Variants in SDHC observed in about 807,000 individuals in gnomAD.
SDHC encodes the protein succinate dehydrogenase complex subunit C, also known as succinate dehydrogenase cytochrome b560 subunit, mitochondrial.
A neutral mutation model predicts 22.6 loss-of-function variants in SDHC; 11 were observed. The ratio of observed to expected loss-of-function variants is 0.49; its 90% CI spans 0.31 to 0.81. The LOEUF (loss-of-function observed/expected upper bound fraction) is 0.81. Ranked by LOEUF, SDHC falls within the 30% of genes least tolerant of loss-of-function variation. The pLI is 0.05. For synonymous variants in SDHC, 80 were observed against 77.8 expected, an observed-to-expected ratio of 1.03 and a Z score of -0.15; for missense variants, 160 against 212.0, an observed-to-expected ratio of 0.75 and a Z score of 1.52.
rs543623991 is a variant in SDHC at position 161,343,509 on chromosome 1, G to A, written c.241+2854G>A. Among the ~76,000 whole-genome samples, 16 of 152,274 alleles carry A rather than the reference G, an allele frequency of 1.1e-4. No homozygotes were observed. The South Asian group carries it at 2.9e-3, about 28-fold the overall frequency. On this transcript the variant is annotated intron_variant, in intron 4 of 5. Coordinates refer to ENST00000367975, the MANE Select transcript of SDHC (RefSeq NM_003001.5). The stretch of plus-strand genomic sequence containing the variant: ...TTGGTAAAGGGACGATGGAATCAAG[G>A]TATAAGGATGATTTGTGTTGTTAGG...
chr1:161,361,792 G>A (rs1051912994), intron 5 of SDHC, among the ~76,000 whole-genome samples: 5 of 139,870 alleles, frequency 3.6e-5, no homozygotes, highest in African/African-American at 1.1e-4. Flanking sequence ...GCAGTGAGCT[G>A]AGATCATGCC....
At chr1:161,320,780 T>G (rs1670807697) in intron 1 of SDHC, among the ~76,000 whole-genome samples, 1 of 151,896 alleles carries the variant, frequency 6.6e-6, no homozygotes, top group East Asian at 1.9e-4. Flanking sequence ...ACGCTGAAGC[T>G]CAATGACTCA....
intron 4 of SDHC, 99 bp from the exon 5 acceptor site, chr1:161,356,578 G>A (rs996772349): frequency 8.3e-7 from 1 of 1,197,908 alleles, no homozygotes. Context: ...ATTTCAAAAT[G>A]GTTTAGAATT....
At chr1:161,347,080 A>G (rs1351290990) in intron 4 of SDHC, among the ~76,000 whole-genome samples, 1 of 152,312 alleles carries the variant, frequency 6.6e-6, no homozygotes, top group East Asian at 1.9e-4. Context: ...TGCAGAACTC[A>G]GGACACAGAG....
intron 5 of SDHC, 152 bp from the exon 6 acceptor site, chr1:161,362,177 G>T: frequency 1.1e-6 from 1 of 903,716 alleles, no homozygotes. Context: ...TTTGAGAAGG[G>T]TAAAGGTGGG....
chr1:161,338,118 A>G (rs1205446303), intron 3 of SDHC, among the ~76,000 whole-genome samples: 4 of 152,316 alleles, frequency 2.6e-5, no homozygotes, highest in South Asian at 2.1e-4. Context: ...AAATTATGCT[A>G]TCGTTCTCTG....
chr1:161,348,208 G>A (rs917569330), intron 4 of SDHC, among the ~76,000 whole-genome samples: 10 of 151,904 alleles, frequency 6.6e-5, no homozygotes, highest in African/African-American at 2.4e-4. Flanking sequence ...CCAGGCTGGA[G>A]TGCAATGGTG....
intron 2 of SDHC, chr1:161,326,666 AC>A (rs1416097288): frequency 1.4e-5 from 2 of 141,202 alleles, no homozygotes; most frequent in Non-Finnish European, 3.0e-5. Flanking sequence ...CGTTCTGTCG[AC>A]CAGGCTGGAG....
At chr1:161,352,899 C>A (rs545218945) in intron 4 of SDHC, among the ~76,000 whole-genome samples, 1 of 152,252 alleles carries the variant, frequency 6.6e-6, no homozygotes, top group South Asian at 2.1e-4. Flanking sequence ...ATTGCTTGAA[C>A]CTGGGAGGCG....
At chr1:161,327,413 T>C (rs1179446986) in intron 2 of SDHC, among the ~76,000 whole-genome samples, 1 of 152,188 alleles carries the variant, frequency 6.6e-6, no homozygotes, top group African/African-American at 2.4e-5. Context: ...TATGTTGTTA[T>C]GGGTATTGGG....
rs548788432 is a variant in SDHC at position 161,329,914 on chromosome 1, A to G, written c.179+1417A>G. ...GCTTTGTATCACTCTGACTTCTTCTACCTCCCTTTTCTCCTTTCAAGGGAC... is the reference window on the plus strand; with the variant it reads ...GCTTTGTATCACTCTGACTTCTTCTGCCTCCCTTTTCTCCTTTCAAGGGAC... On this transcript the variant is annotated intron_variant, in intron 3 of 5. Transcript: ENST00000367975. Among the ~76,000 whole-genome samples the G allele has an allele frequency of 8.1e-4, 123 of 152,102 alleles. 1 individual carries two copies. Among genetic ancestry groups the G allele is most frequent in the Non-Finnish European group, 1.6e-3 (109 of 67,990 alleles).
At chr1:161,320,852 G>C (rs1185502805) in intron 1 of SDHC, among the ~76,000 whole-genome samples, 3 of 82,818 alleles carry the variant, frequency 3.6e-5, no homozygotes, top group African/African-American at 2.0e-4. Flanking sequence ...TTTTGAGATG[G>C]AGTCCCGCTC....
At chr1:161,315,571 A>T (rs749700857) in intron 1 of SDHC, among the ~76,000 whole-genome samples, 1 of 152,196 alleles carries the variant, frequency 6.6e-6, no homozygotes, top group African/African-American at 2.4e-5. Context: ...TAAAATTAAC[A>T]TTTAGTTTGA....
At chr1:161,339,556 T>TC (rs1491143851) in intron 3 of SDHC, 10 of 1,261,780 alleles carry the variant, frequency 7.9e-6, no homozygotes, top group Non-Finnish European at 4.1e-6. Context: ...TTTTTTTTTT[T>TC]CTCAGCCCTA....
intron 3 of SDHC, among the ~76,000 whole-genome samples, chr1:161,339,750 G>C (rs1292050935): frequency 1.5e-5 from 2 of 129,952 alleles, no homozygotes; most frequent in Non-Finnish European, 3.1e-5. Context: ...GTGCGATCTT[G>C]GCTCACCGCA....
At chr1:161,325,499 G>T (rs1191343848) in intron 2 of SDHC, among the ~76,000 whole-genome samples, 1 of 152,100 alleles carries the variant, frequency 6.6e-6, no homozygotes, top group East Asian at 1.9e-4. Flanking sequence ...GGGCAACATG[G>T]TGAAACCCCT....
At position 161,359,922 on chromosome 1, in the gene SDHC, C is replaced by T. The variant is rs115139956; in HGVS notation, c.406-2407C>T. Among the ~76,000 whole-genome samples, 342 of 152,246 alleles carry T rather than the reference C, an allele frequency of 2.2e-3. 1 individual carries two copies. The highest frequency in any genetic ancestry group is 8.0e-3 in the African/African-American group (331 of 41,548). ...CCAGTAGGACTCACTCTCTATAAAA[C>T]ATTGTCCTTATTTAAGCAAAACAAC... is the stretch of plus-strand genomic sequence containing the variant. On this transcript the variant is annotated intron_variant, in intron 5 of 5. Transcript: ENST00000367975.
chr1:161,346,422 A>T (rs1671899075), intron 4 of SDHC, among the ~76,000 whole-genome samples: 1 of 151,314 alleles, frequency 6.6e-6, no homozygotes, highest in Non-Finnish European at 1.5e-5. Flanking sequence ...TTTTCGAGAC[A>T]GAGTTTCGCT....
intron 4 of SDHC, 119 bp downstream of exon 4, chr1:161,340,774 C>G (rs1376852106): frequency 1.0e-5 from 8 of 783,214 alleles, no homozygotes; most frequent in Non-Finnish European, 1.8e-5. Context: ...AACAGTAAGT[C>G]TCTTAAGTTT....
Sources: allele counts gnomAD v4.1 joint callset (sites outside exome capture counted in the v4.1 genomes callset), GRCh38; gene constraint gnomAD v4.1.1; transcripts MANE v1.5; gene names NCBI Gene and HGNC (gene_info 2026-07-23, HGNC 2026-07-21).